UBASH3B: variants seen among roughly 807,000 people sequenced by gnomAD.
UBASH3B encodes the protein ubiquitin associated and SH3 domain containing B.
Under a neutral mutation model 83.4 loss-of-function variants are expected in UBASH3B, and 37 were observed. The ratio of observed to expected loss-of-function variants is 0.44; its 90% CI spans 0.34 to 0.58. The LOEUF (loss-of-function observed/expected upper bound fraction) is 0.58. Ranked by LOEUF, UBASH3B falls within the 20% of genes least tolerant of loss-of-function variation. The pLI, the probability that UBASH3B is intolerant of heterozygous loss-of-function variation, is 0.01. For synonymous variants in UBASH3B, 304 were observed against 318.3 expected, an observed-to-expected ratio of 0.96 and a Z score of 0.48; for missense variants, 657 against 827.2, an observed-to-expected ratio of 0.79 and a Z score of 2.52.
intron 6 of UBASH3B, among the ~76,000 whole-genome samples, chr11:122,790,593 A>T (rs1861036550): frequency 6.6e-6 from 1 of 152,188 alleles, no homozygotes; most frequent in East Asian, 1.9e-4. Flanking sequence ...CAGTTCTCAG[A>T]TCTGTTATTT....
chr11:122,790,908 G>A (rs1861041913), intron 6 of UBASH3B, among the ~76,000 whole-genome samples: 1 of 151,402 alleles, frequency 6.6e-6, no homozygotes, highest in South Asian at 2.1e-4. Flanking sequence ...CTGAGATCAC[G>A]CAACTGCACT....
intron 1 of UBASH3B, among the ~76,000 whole-genome samples, chr11:122,720,433 G>A (rs1860604481): frequency 6.6e-6 from 1 of 152,104 alleles, no homozygotes; most frequent in Non-Finnish European, 1.5e-5. Flanking sequence ...TTGCTTTCTT[G>A]TAGTCTCTTC....
chr11:122,771,748 AACACACACACACACACAC>A lies in UBASH3B; in HGVS notation c.162-4446_162-4429del, dbSNP rs58950220. Among the ~76,000 whole-genome samples, 258 of 147,240 alleles carry A rather than the reference AACACACACACACACACAC, an allele frequency of 1.8e-3. 2 individuals are homozygous for A. The highest frequency in any genetic ancestry group is 6.3e-3 in the African/African-American group (251 of 39,856). On this transcript the variant is annotated intron_variant, in intron 1 of 13. Transcript: ENST00000284273. ...CCTGGCAACTTAAGAGCTGTGTTAAAACACACACACACACACACACACACACACACACACACACACACT... is the reference window on the plus strand; with the variant it reads ...CCTGGCAACTTAAGAGCTGTGTTAAAACACACACACACACACACACACACT...
At chr11:122,659,144 G>A (rs1208319150) in intron 1 of UBASH3B, among the ~76,000 whole-genome samples, 3 of 152,034 alleles carry the variant, frequency 2.0e-5, no homozygotes, top group African/African-American at 7.2e-5. Flanking sequence ...GGCCCACTTG[G>A]ATAATCCAGA....
chr11:122,684,253 G>C (rs1030127753), intron 1 of UBASH3B, among the ~76,000 whole-genome samples: 3 of 152,214 alleles, frequency 2.0e-5, no homozygotes, highest in Non-Finnish European at 4.4e-5. Context: ...GAGTGATCTA[G>C]TGAATAAGCA....
intron 1 of UBASH3B, among the ~76,000 whole-genome samples, chr11:122,671,944 C>T (rs548139545): frequency 1.7e-4 from 26 of 152,048 alleles, no homozygotes; most frequent in Non-Finnish European, 2.4e-4. Flanking sequence ...TGTTCCTTTT[C>T]CATCTTCTGC....
intron 2 of UBASH3B, among the ~76,000 whole-genome samples, 183 bp downstream of exon 2, chr11:122,776,455 T>C (rs995337931): frequency 1.3e-5 from 2 of 152,178 alleles, no homozygotes; most frequent in African/African-American, 4.8e-5. Context: ...GGTATGTTTC[T>C]CCTTGGAGCT....
intron 1 of UBASH3B, among the ~76,000 whole-genome samples, chr11:122,744,342 C>T (rs1006905517): frequency 1.3e-5 from 2 of 152,024 alleles, no homozygotes; most frequent in Admixed American, 6.5e-5. Context: ...ACTGTATGAG[C>T]ATGTGTTTGT....
intron 1 of UBASH3B, among the ~76,000 whole-genome samples, chr11:122,699,513 CTTTCTCTTTCTTTCTTTCTCTT>C (rs1227639337): frequency 3.6e-5 from 5 of 139,682 alleles, no homozygotes; most frequent in Non-Finnish European, 7.8e-5. Context: ...TTCTTTCTTT[CTTTCTCTTTCTTTCTTTCTCTT>C]TCTTTCTTTC....
intron 1 of UBASH3B, among the ~76,000 whole-genome samples, chr11:122,662,770 A>C (rs1033049819): frequency 6.6e-6 from 1 of 151,958 alleles, no homozygotes; most frequent in African/African-American, 2.4e-5. Context: ...TGCATTTCCT[A>C]GATTTGCATG....
chr11:122,800,383 C>CAAAAAA (rs540359065), intron 10 of UBASH3B, among the ~76,000 whole-genome samples: 2 of 76,662 alleles, frequency 2.6e-5, no homozygotes, highest in Non-Finnish European at 2.8e-5. Context: ...ACTAAAAATA[C>CAAAAAA]AAAAAAAAAA....
At chr11:122,683,162 T>A (rs1466995142) in intron 1 of UBASH3B, among the ~76,000 whole-genome samples, 1 of 148,492 alleles carries the variant, frequency 6.7e-6, no homozygotes, top group Non-Finnish European at 1.5e-5. Context: ...GGTGGGAGGA[T>A]CCCTTGAGCC....
At chr11:122,662,589 G>C (rs528412585) in intron 1 of UBASH3B, among the ~76,000 whole-genome samples, 1 of 151,892 alleles carries the variant, frequency 6.6e-6, no homozygotes, top group South Asian at 2.1e-4. Context: ...GCACCATCAC[G>C]CCTGGCTAAT....
chr11:122,689,403 A>C (rs979309611), intron 1 of UBASH3B, among the ~76,000 whole-genome samples: 1 of 152,166 alleles, frequency 6.6e-6, no homozygotes, highest in East Asian at 1.9e-4. Context: ...TTAGATGAAT[A>C]TTCTTACACA....
At chr11:122,796,609 G>C (rs1861161976) in intron 8 of UBASH3B, among the ~76,000 whole-genome samples, 1 of 152,092 alleles carries the variant, frequency 6.6e-6, no homozygotes, top group Admixed American at 6.5e-5. Context: ...ATTTTCATTT[G>C]AGTAGCATTT....
At chr11:122,669,639 A>G (rs1445938750) in intron 1 of UBASH3B, among the ~76,000 whole-genome samples, 1 of 152,116 alleles carries the variant, frequency 6.6e-6, no homozygotes, top group Non-Finnish European at 1.5e-5. Context: ...CACCCTTACC[A>G]TTTCCAACCC....
At chr11:122,660,277 T>C (rs552724928) in intron 1 of UBASH3B, among the ~76,000 whole-genome samples, 2 of 152,158 alleles carry the variant, frequency 1.3e-5, no homozygotes, top group South Asian at 2.1e-4. Context: ...GGTGTGTGTG[T>C]GCGTGTGCGC....
At chr11:122,756,767 A>G (rs570975329) in intron 1 of UBASH3B, among the ~76,000 whole-genome samples, 76 of 152,270 alleles carry the variant, frequency 5.0e-4, no homozygotes, top group Admixed American at 7.8e-4. Context: ...GCTGCTCCCT[A>G]TGAAGGGGGT....
chr11:122,729,166 T>G (rs1388594567), intron 1 of UBASH3B, among the ~76,000 whole-genome samples: 6 of 152,186 alleles, frequency 3.9e-5, no homozygotes, highest in African/African-American at 1.4e-4. Flanking sequence ...ACAGTGGCTC[T>G]CTGACTAGGA....
Sources: gnomAD v4.1 joint callset for allele counts (sites outside exome capture counted in the v4.1 genomes callset) on GRCh38, gnomAD v4.1.1 for gene constraint, MANE v1.5 for transcripts, NCBI Gene and HGNC (gene_info 2026-07-23, HGNC 2026-07-21) for gene names.